NRG3: variants seen among roughly 807,000 people sequenced by gnomAD.
The protein encoded by NRG3 is pro-neuregulin-3, membrane-bound isoform.
In NRG3, 31 loss-of-function variants were observed where a neutral mutation model predicts 66.9. That is an observed-to-expected ratio of 0.46 (90% CI 0.35 to 0.63). The LOEUF is 0.63. Among genes scored for constraint, NRG3 ranks in the 20% least tolerant of loss-of-function variants. The probability of loss-of-function intolerance (pLI) is 0.00; values close to 1 mark genes in which losing one functional copy is unlikely to be tolerated. For missense variants in NRG3, 910 were observed against 878.9 expected, an observed-to-expected ratio of 1.04 and a Z score of -0.45; for synonymous variants, 393 against 359.4, an observed-to-expected ratio of 1.09 and a Z score of -1.06.
intron 4 of NRG3, among the ~76,000 whole-genome samples, chr10:82,900,573 T>C (rs1217358007): frequency 2.6e-5 from 4 of 152,188 alleles, no homozygotes; most frequent in Non-Finnish European, 5.9e-5. Context: ...ATAAAACTTA[T>C]TATTGAGAAT....
At chr10:82,133,740 A>T (rs2069112310) in intron 1 of NRG3, among the ~76,000 whole-genome samples, 1 of 152,134 alleles carries the variant, frequency 6.6e-6, no homozygotes. Flanking sequence ...ATGTGTATTT[A>T]TAGTAGAATG....
chr10:82,386,673 T>C (rs979015209), intron 2 of NRG3, among the ~76,000 whole-genome samples: 1 of 152,232 alleles, frequency 6.6e-6, no homozygotes, highest in Non-Finnish European at 1.5e-5. Flanking sequence ...AGATCCACTT[T>C]TTCAGAGACA....
chr10:82,622,096 G>T (rs1302793681), intron 2 of NRG3, among the ~76,000 whole-genome samples: 5 of 152,106 alleles, frequency 3.3e-5, no homozygotes, highest in African/African-American at 1.2e-4. Context: ...AGCCTACTTT[G>T]CAAGGAGGTA....
intron 1 of NRG3, among the ~76,000 whole-genome samples, chr10:82,177,303 A>G (rs2073106939): frequency 1.3e-5 from 2 of 152,114 alleles, no homozygotes; most frequent in South Asian, 4.1e-4. Context: ...GATCCTTTCT[A>G]CAAAGGGTTT....
At chr10:82,564,982 T>C (rs2045302634) in intron 2 of NRG3, among the ~76,000 whole-genome samples, 1 of 152,070 alleles carries the variant, frequency 6.6e-6, no homozygotes, top group South Asian at 2.1e-4. Context: ...AGACCTTGTG[T>C]GCTTAGATGA....
At chr10:82,142,766 C>CTTTTT (rs3036609) in intron 1 of NRG3, among the ~76,000 whole-genome samples, 11 of 110,634 alleles carry the variant, frequency 9.9e-5, no homozygotes, top group East Asian at 5.5e-4. Context: ...CTCTCTCGCT[C>CTTTTT]TTTTTTTTTT....
chr10:82,074,474 G>GA (rs2064982831), intron 1 of NRG3, among the ~76,000 whole-genome samples: 1 of 151,892 alleles, frequency 6.6e-6, no homozygotes, highest in Non-Finnish European at 1.5e-5. Context: ...TTGCTTTTTT[G>GA]AAAAAATAGA....
chr10:82,424,080 T>C lies in NRG3; in HGVS notation c.953+65212T>C, dbSNP rs1485730001. Reference sequence around the variant, plus strand: ...GCTTGTATCTACATTTTAGCTATGGTGACTAATGCTTCTATAGACATTTGC... The same window carrying C: ...GCTTGTATCTACATTTTAGCTATGGCGACTAATGCTTCTATAGACATTTGC... On this transcript the variant is annotated intron_variant, in intron 2 of 8. Transcript: ENST00000372141. 2.6e-5 allele frequency among the ~76,000 whole-genome samples: 4 copies of C among 152,076 alleles called. No individual in the cohort carries two copies. The East Asian group carries it at 7.7e-4, about 29-fold the overall frequency.
intron 2 of NRG3, among the ~76,000 whole-genome samples, chr10:82,543,126 A>G (rs2043655525): frequency 6.6e-6 from 1 of 152,132 alleles, no homozygotes; most frequent in Non-Finnish European, 1.5e-5. Context: ...TCCTGACCTC[A>G]GGTGGTCCAC....
intron 3 of NRG3, among the ~76,000 whole-genome samples, chr10:82,749,011 G>A (rs2058753105): frequency 6.6e-6 from 1 of 152,006 alleles, no homozygotes; most frequent in African/African-American, 2.4e-5. Flanking sequence ...CATTATTTTT[G>A]ATGCAACTTT....
rs373713088 is a variant in NRG3 at position 82,796,333 on chromosome 10, A to G, written c.1027+57683A>G. Reference sequence around the variant, plus strand: ...AGCCGACTGGTACCCCAGATTGTCAATCAGCTCCTATTGGAAGCCTGTCAA... The same window carrying G: ...AGCCGACTGGTACCCCAGATTGTCAGTCAGCTCCTATTGGAAGCCTGTCAA... On this transcript the variant is annotated intron_variant, in intron 3 of 8. Coordinates refer to ENST00000372141, the MANE Select transcript of NRG3 (RefSeq NM_001010848.4). 1.3e-4 allele frequency among the ~76,000 whole-genome samples: 20 copies of G among 152,326 alleles called. No individual in the cohort carries two copies. The East Asian group carries it at 1.4e-3, about 10-fold the overall frequency.
intron 2 of NRG3, among the ~76,000 whole-genome samples, chr10:82,724,739 G>C (rs747218628): frequency 1.7e-4 from 26 of 152,258 alleles, no homozygotes; most frequent in African/African-American, 6.0e-4. Flanking sequence ...TTTTTAGAGA[G>C]ACAATAATTA....
intron 1 of NRG3, among the ~76,000 whole-genome samples, chr10:82,235,803 G>C: frequency 6.6e-6 from 1 of 152,132 alleles, no homozygotes. Context: ...CTCTTTTGCT[G>C]ACCTGGAAAG....
At chr10:82,142,701 T>A (rs1260801143) in intron 1 of NRG3, among the ~76,000 whole-genome samples, 1 of 151,662 alleles carries the variant, frequency 6.6e-6, no homozygotes, top group Non-Finnish European at 1.5e-5. Context: ...AGCTGGGGGA[T>A]GTCCTAGTAT....
rs55670416 is a variant in NRG3 at position 81,935,876 on chromosome 10, AACACACACACACACACAC to A, written c.823+59745_823+59762del. Among the ~76,000 whole-genome samples, 15 of 132,518 alleles carry A rather than the reference AACACACACACACACACAC, an allele frequency of 1.1e-4. No homozygotes were observed. In the East Asian group the frequency reaches 1.3e-3, roughly 11 times the overall value. 86.9% of individuals were successfully genotyped at this position (132,518 alleles called of 152,430 possible). On this transcript the variant is annotated intron_variant, in intron 1 of 8. Transcript: ENST00000372141. ...TTTTCATTATACTTTTCAGTGCCTGAACACACACACACACACACACACACACACACACACACACACACA... is the reference window on the plus strand; with the variant it reads ...TTTTCATTATACTTTTCAGTGCCTGAACACACACACACACACACACACACA...
At chr10:82,576,576 A>C (rs183645552) in intron 2 of NRG3, among the ~76,000 whole-genome samples, 2 of 151,866 alleles carry the variant, frequency 1.3e-5, no homozygotes, top group East Asian at 3.9e-4. Context: ...GAAATATAGA[A>C]AAAGGAAATG....
At chr10:81,929,605 G>A (rs1847143143) in intron 1 of NRG3, among the ~76,000 whole-genome samples, 1 of 152,160 alleles carries the variant, frequency 6.6e-6, no homozygotes, top group Non-Finnish European at 1.5e-5. Flanking sequence ...TTAGGAAGAA[G>A]TTGACTACAA....
At chr10:82,186,385 A>G (rs562677714) in intron 1 of NRG3, among the ~76,000 whole-genome samples, 2 of 152,108 alleles carry the variant, frequency 1.3e-5, no homozygotes, top group Admixed American at 6.5e-5. Context: ...GCCCCTTCCC[A>G]TGGGAACTCA....
intron 2 of NRG3, among the ~76,000 whole-genome samples, chr10:82,392,240 T>C (rs989029105): frequency 6.6e-6 from 1 of 152,148 alleles, no homozygotes; most frequent in African/African-American, 2.4e-5. Flanking sequence ...TTTCCTACCA[T>C]GCTTCTGTGA....
Sources: allele counts gnomAD v4.1 joint callset (sites outside exome capture counted in the v4.1 genomes callset), GRCh38; gene constraint gnomAD v4.1.1; transcripts MANE v1.5; gene names NCBI Gene and HGNC (gene_info 2026-07-23, HGNC 2026-07-21).